The following PALS1 variants were observed in gnomAD, a reference collection of about 807,000 sequenced individuals.
PALS1 encodes the protein protein associated with LIN7 1, MAGUK p55 family member, also known as protein PALS1.
Under a neutral mutation model 78.9 loss-of-function variants are expected in PALS1, and 31 were observed. That is an observed-to-expected ratio of 0.39 (90% CI 0.30 to 0.53). The LOEUF (loss-of-function observed/expected upper bound fraction) is 0.53, where lower values mean the gene tolerates loss of function less well. Ranked by LOEUF, PALS1 falls within the 20% of genes least tolerant of loss-of-function variation. The pLI, the probability that PALS1 is intolerant of heterozygous loss-of-function variation, is 0.67. For synonymous variants in PALS1, 276 were observed against 270.9 expected, an observed-to-expected ratio of 1.02 and a Z score of -0.18; for missense variants, 704 against 826.5, an observed-to-expected ratio of 0.85 and a Z score of 1.82.
chr14:67,300,255 T>C (rs1473733), intron 4 of PALS1, among the ~76,000 whole-genome samples: 23,403 of 151,940 alleles, frequency 0.15, 3,385 homozygotes, highest in East Asian at 0.41. Flanking sequence ...TCTCTTGGGT[T>C]TCATAGGAAA....
chr14:67,243,201 T>G (rs2083930834), intron 1 of PALS1, among the ~76,000 whole-genome samples: 1 of 152,124 alleles, frequency 6.6e-6, no homozygotes, highest in African/African-American at 2.4e-5. Flanking sequence ...TTCTTTTTTT[T>G]TTTGTGAGAC....
chr14:67,327,458 G>C (rs989849627), intron 14 of PALS1, among the ~76,000 whole-genome samples: 1 of 151,676 alleles, frequency 6.6e-6, no homozygotes, highest in Non-Finnish European at 1.5e-5. Flanking sequence ...CGGGGTGTGG[G>C]GGGAAGGTTT....
At chr14:67,328,797 G>A (rs2085399062) in intron 14 of PALS1, among the ~76,000 whole-genome samples, 1 of 152,098 alleles carries the variant, frequency 6.6e-6, no homozygotes, top group Non-Finnish European at 1.5e-5. Context: ...TAGATGTGTG[G>A]TATTATTTCT....
At chr14:67,322,843 CGT>C (rs1364381215) in intron 13 of PALS1, among the ~76,000 whole-genome samples, 2 of 152,160 alleles carry the variant, frequency 1.3e-5, no homozygotes, top group Non-Finnish European at 2.9e-5. Flanking sequence ...TTTGATAGAG[CGT>C]GTCAGTTTGA....
rs746685563 is a variant in PALS1 at position 67,303,532 on chromosome 14, A to G, written c.974A>G (p.His325Arg). 1.2e-5 allele frequency: 19 copies of G among 1,612,996 alleles called. No homozygotes were observed. The highest frequency in any genetic ancestry group is 1.7e-5 in the Admixed American group (1 of 59,994). ...NEVFDLLSDMHGTLTFVLIPS... is the reference protein window; with the variant it reads ...NEVFDLLSDMRGTLTFVLIPS... ...ATCTTTCTATTACAGTCTGATATGC[A>G]TGGTACTTTGACTTTTGTCCTGATT... Residue 325 changes from histidine to arginine, a missense_variant, in exon 8 of 15, where the codon CAT (histidine) becomes CGT (arginine). His to Arg is a conservative substitution (Grantham distance 29). Transcript: ENST00000261681.
chr14:67,300,566 G>A (rs1262958031), intron 4 of PALS1, among the ~76,000 whole-genome samples: 1 of 152,120 alleles, frequency 6.6e-6, no homozygotes, highest in South Asian at 2.1e-4. Context: ...GACCTCAAGT[G>A]ATCTGCCTGC....
At chr14:67,268,840 A>G (rs1195886457) in intron 1 of PALS1, among the ~76,000 whole-genome samples, 2 of 152,192 alleles carry the variant, frequency 1.3e-5, no homozygotes, top group Admixed American at 1.3e-4. Context: ...GCAGCCCAGT[A>G]GGTCTCAGCC....
intron 3 of PALS1, among the ~76,000 whole-genome samples, chr14:67,288,899 A>G (rs1417557144): frequency 6.6e-6 from 1 of 151,530 alleles, no homozygotes; most frequent in East Asian, 1.9e-4. Context: ...TAAACTACTG[A>G]TGAACGCACA....
intron 14 of PALS1, among the ~76,000 whole-genome samples, chr14:67,324,647 T>C (rs1224928930): frequency 6.6e-6 from 1 of 151,814 alleles, no homozygotes; most frequent in African/African-American, 2.4e-5. Context: ...TGTAGTGGCA[T>C]GTTCATGGCT....
At chr14:67,278,996 T>TC (rs1367111626) in intron 2 of PALS1, 22 bp from the exon 3 acceptor site, 8 of 570,346 alleles carry the variant, frequency 1.4e-5, no homozygotes, top group Admixed American at 1.1e-4. Context: ...TACACTTTTT[T>TC]CCCCCCCATC....
intron 1 of PALS1, among the ~76,000 whole-genome samples, chr14:67,264,063 G>A (rs555791926): frequency 1.3e-5 from 2 of 151,998 alleles, no homozygotes; most frequent in Non-Finnish European, 2.9e-5. Flanking sequence ...CATGGCACTC[G>A]GCAATAATTT....
At chr14:67,320,162 A>C (rs1015573063) in intron 11 of PALS1, 68 bp from the exon 12 acceptor site, 2 of 1,420,496 alleles carry the variant, frequency 1.4e-6, no homozygotes, top group Admixed American at 2.4e-5. Flanking sequence ...GTGAAGATCT[A>C]TGAGTATTTA....
At chr14:67,328,384 C>T (rs986201274) in intron 14 of PALS1, among the ~76,000 whole-genome samples, 1 of 152,038 alleles carries the variant, frequency 6.6e-6, no homozygotes, top group Admixed American at 6.6e-5. Context: ...GGATATTAGC[C>T]CTTTGTCAGA....
chr14:67,243,435 G>A (rs865972405), intron 1 of PALS1, among the ~76,000 whole-genome samples: 3 of 150,144 alleles, frequency 2.0e-5, no homozygotes, highest in African/African-American at 7.4e-5. Flanking sequence ...TGATCCACCC[G>A]CCTCGGCCTC....
chr14:67,273,906 T>G (rs980977525), intron 2 of PALS1, among the ~76,000 whole-genome samples: 5 of 152,246 alleles, frequency 3.3e-5, no homozygotes, highest in Non-Finnish European at 7.3e-5. Flanking sequence ...GTCTGTTGGC[T>G]GCATGAATGT....
intron 1 of PALS1, among the ~76,000 whole-genome samples, chr14:67,262,609 C>T (rs1413785811): frequency 6.6e-6 from 1 of 152,176 alleles, no homozygotes; most frequent in Non-Finnish European, 1.5e-5. Flanking sequence ...ACTCCACTTA[C>T]ATTTTACCCT....
chr14:67,245,043 G>C (rs1470476672), intron 1 of PALS1, among the ~76,000 whole-genome samples: 2 of 152,180 alleles, frequency 1.3e-5, no homozygotes, highest in Non-Finnish European at 2.9e-5. Context: ...CACAAACTAA[G>C]GAATATGAGT....
intron 14 of PALS1, among the ~76,000 whole-genome samples, chr14:67,331,837 C>G (rs1191723475): frequency 6.6e-6 from 1 of 152,038 alleles, no homozygotes; most frequent in African/African-American, 2.4e-5. Flanking sequence ...TAAGTTTTAG[C>G]AAAAATGTCA....
rs1476402821 is a variant in PALS1, at chr14:67,335,667, G to A, written c.*2711G>A. 1 of 152,666 alleles carries A rather than the reference G, an allele frequency of 6.6e-6. No homozygotes were observed. The highest frequency in any genetic ancestry group is 2.4e-5 in the African/African-American group (1 of 41,536). The allele number at this position is 152,666 out of a possible 1,614,324, so 9.5% of individuals were successfully genotyped here. A position where few individuals can be genotyped will look rare whatever the true frequency, so the allele number is the denominator to read the frequency against. On this transcript the variant is annotated 3_prime_UTR_variant, in exon 15 of 15. Coordinates refer to ENST00000261681, the MANE Select transcript of PALS1 (RefSeq NM_022474.4). ...TGAATGTGTGGAAAATATAAAGCAG[G>A]GATTTAGCCTTAATAAAGGTAACCT...
Sources: allele counts gnomAD v4.1 joint callset (sites outside exome capture counted in the v4.1 genomes callset), GRCh38; gene constraint gnomAD v4.1.1; transcripts MANE v1.5; gene names NCBI Gene and HGNC (gene_info 2026-07-23, HGNC 2026-07-21).